FAM120C: variants seen among roughly 807,000 people sequenced by gnomAD.
FAM120C encodes the protein family with sequence similarity 120 member C.
Under a neutral mutation model 71.2 loss-of-function variants are expected in FAM120C, and 14 were observed. That is an observed-to-expected ratio of 0.20 (90% CI 0.13 to 0.31). The LOEUF is 0.31. Ranked by LOEUF, FAM120C falls within the 10% of genes least tolerant of loss-of-function variation. The pLI is 1.00. For missense variants in FAM120C, 500 were observed against 879.0 expected, an observed-to-expected ratio of 0.57 and a Z score of 5.45; for synonymous variants, 354 against 353.2, an observed-to-expected ratio of 1.00 and a Z score of -0.03.
At chrX:54,106,934 G>A (rs782244461) in intron 10 of FAM120C, among the ~76,000 whole-genome samples, 32 of 111,581 alleles carry the variant, frequency 2.9e-4, no homozygotes, top group Non-Finnish European at 1.3e-4. Flanking sequence ...AAATAGTAAC[G>A]CTTTTATGCT....
At chrX:54,129,508 C>T (rs781786882) in intron 9 of FAM120C, among the ~76,000 whole-genome samples, 6 of 107,301 alleles carry the variant, frequency 5.6e-5, no homozygotes, top group Admixed American at 9.9e-5. Context: ...GGATGGAGGC[C>T]GGGCAGAGAC....
Position 54,078,996 on chromosome X carries a change from C to CA in FAM120C, c.3036+1235dup, listed in dbSNP as rs1260177101. ...GCAACAAAGTAAGACCCTGTCTCTA[C>CA]AAAAAAAAAAAAGAAAAACTTTGGG... On this transcript the variant is annotated intron_variant, in intron 15 of 15. Transcript: ENST00000375180. Among the ~76,000 whole-genome samples, 244 of 83,847 alleles carry CA rather than the reference C, an allele frequency of 2.9e-3. 2 individuals are homozygous for CA. The East Asian group carries it at 0.052, about 18-fold the overall frequency. 72.8% of individuals were successfully genotyped at this position (83,847 alleles called of 115,157 possible).
At chrX:54,118,699 CT>C (rs1187381929) in intron 9 of FAM120C, among the ~76,000 whole-genome samples, 2,920 of 31,806 alleles carry the variant, frequency 0.092, 128 homozygotes, top group African/African-American at 0.16. Context: ...TTCTTTTTTT[CT>C]TTTTTTTTTT....
At chrX:54,156,684 C>T (rs782087566) in intron 3 of FAM120C, among the ~76,000 whole-genome samples, 3 of 108,169 alleles carry the variant, frequency 2.8e-5, no homozygotes, top group Non-Finnish European at 3.8e-5. Context: ...ATCAAGAGTT[C>T]GAGACCAGCC....
intron 1 of FAM120C, among the ~76,000 whole-genome samples, chrX:54,177,562 A>G (rs1302390954): frequency 1.8e-5 from 2 of 111,283 alleles, no homozygotes; most frequent in African/African-American, 6.5e-5. Context: ...CAGAAGTGAA[A>G]CAAGTTTTGG....
intron 1 of FAM120C, among the ~76,000 whole-genome samples, chrX:54,176,365 G>A (rs1462476193): frequency 9.3e-6 from 1 of 107,200 alleles, no homozygotes; most frequent in Non-Finnish European, 1.9e-5. Context: ...CCCAGGAGGT[G>A]GAGGTTGTAA....
chrX:54,092,079 G>A (rs192004642), intron 10 of FAM120C, among the ~76,000 whole-genome samples: 4 of 111,142 alleles, frequency 3.6e-5, no homozygotes, highest in African/African-American at 1.3e-4. Flanking sequence ...TTTGAAGAGA[G>A]AAGATCTCAA....
Position 54,068,789 on chromosome X carries a change from C to CAGAACAGAACAGAAT in FAM120C, c.*4243_*4244insATTCTGTTCTGTTCT, listed in dbSNP as rs60166177. 30 of 103,233 alleles carry CAGAACAGAACAGAAT rather than the reference C, an allele frequency of 2.9e-4. No homozygotes were observed. The highest frequency in any genetic ancestry group is 1.2e-3 in the African/African-American group (29 of 25,146). The allele number at this position is 103,233 out of a possible 1,213,427, so 8.5% of individuals were successfully genotyped here. ...AAAAACAGAATAGAACAGAATAGAA[C>CAGAACAGAACAGAAT]AGAATAGAATAGAATAGAATAGAAT... On this transcript the variant is annotated 3_prime_UTR_variant, in exon 16 of 16. Coordinates refer to ENST00000375180, the MANE Select transcript of FAM120C (RefSeq NM_017848.6).
intron 13 of FAM120C, among the ~76,000 whole-genome samples, chrX:54,083,478 C>CACAA (rs782758591): frequency 9.8e-6 from 1 of 101,755 alleles, no homozygotes; most frequent in South Asian, 4.3e-4. Flanking sequence ...CACACACACA[C>CACAA]CAAAATATTA....
chrX:54,182,746 T>C lies in FAM120C; in HGVS notation c.453A>G (p.Ser151=). ...GATAGGCACAAGCCTGGCACAGCGC[T>C]GACAAGTAGCCCAGCATGGCGTTCC... The part of the protein sequence containing the change: ...GQWNAMLGYL[S]ALCQACAYPG... Residue 151 remains serine, a synonymous_variant, in exon 1 of 16, where the codon TCA becomes TCG. Transcript: ENST00000375180. The C allele has an allele frequency of 8.3e-7, 1 of 1,209,767 alleles. No individual in the cohort carries two copies. The highest frequency in any genetic ancestry group is 1.1e-6 in the Non-Finnish European group (1 of 894,919).
intron 4 of FAM120C, among the ~76,000 whole-genome samples, chrX:54,137,778 A>C (rs1435331390): frequency 4.5e-5 from 5 of 112,073 alleles, no homozygotes. Flanking sequence ...AAAATGGCTA[A>C]AGTAAAAGAC....
chrX:54,092,572 G>A (rs782460317), intron 10 of FAM120C, among the ~76,000 whole-genome samples: 27 of 109,401 alleles, frequency 2.5e-4, no homozygotes, highest in Non-Finnish European at 4.2e-4. Flanking sequence ...AGGAGGAGAC[G>A]ACGAAGAAGA....
At chrX:54,082,061 T>C (rs2066768598) in intron 13 of FAM120C, among the ~76,000 whole-genome samples, 1 of 106,451 alleles carries the variant, frequency 9.4e-6, no homozygotes, top group Non-Finnish European at 1.9e-5. Flanking sequence ...TCCGTGCCTA[T>C]AGTCCCAGTT....
chrX:54,073,159 T>C lies in FAM120C; in HGVS notation c.3165A>G (p.Gln1055=), dbSNP rs1557120243. The part of the protein sequence containing the change: ...KSDHRLPAPS[Q]CALSRDSNEC... ...CATTGCTGTCTCTGGATAAGGCACA[T>C]TGTGATGGAGCTGGAAGACGATGAT... The change falls in exon 16 of 16, where the codon CAA becomes CAG. Residue 1055 remains glutamine (Q), a synonymous_variant. Coordinates refer to ENST00000375180, the MANE Select transcript of FAM120C (RefSeq NM_017848.6). 1 of 1,211,362 alleles carries C rather than the reference T, an allele frequency of 8.3e-7. No individual in the cohort carries two copies. The highest frequency in any genetic ancestry group is 1.7e-5 in the African/African-American group (1 of 57,702).
At chrX:54,099,575 A>T (rs1200352276) in intron 10 of FAM120C, among the ~76,000 whole-genome samples, 1 of 112,040 alleles carries the variant, frequency 8.9e-6, no homozygotes, top group Non-Finnish European at 1.9e-5. Flanking sequence ...GAGTTCGTGA[A>T]GAATACCTCT....
intron 1 of FAM120C, among the ~76,000 whole-genome samples, chrX:54,177,066 A>G (rs1217376102): frequency 9.0e-6 from 1 of 111,207 alleles, no homozygotes; most frequent in African/African-American, 3.3e-5. Flanking sequence ...ATGAGAGAGG[A>G]CACGGTATGT....
chrX:54,163,675 C>T (rs1413102478), intron 1 of FAM120C, among the ~76,000 whole-genome samples: 1 of 110,806 alleles, frequency 9.0e-6, no homozygotes, highest in East Asian at 2.8e-4. Context: ...AGTTATACCT[C>T]GATTTTTAAA....
At chrX:54,078,604 G>A (rs782369918) in intron 15 of FAM120C, among the ~76,000 whole-genome samples, 3 of 111,679 alleles carry the variant, frequency 2.7e-5, no homozygotes, top group Non-Finnish European at 5.6e-5. Flanking sequence ...AGGGCTGGCT[G>A]TATACAGAAT....
At chrX:54,172,274 T>C (rs782817799) in intron 1 of FAM120C, among the ~76,000 whole-genome samples, 3 of 112,235 alleles carry the variant, frequency 2.7e-5, no homozygotes, top group Non-Finnish European at 5.6e-5. Context: ...GAGTATCATG[T>C]TCAACTAAGC....
Sources: allele counts gnomAD v4.1 joint callset (sites outside exome capture counted in the v4.1 genomes callset), GRCh38; gene constraint gnomAD v4.1.1; transcripts MANE v1.5; gene names NCBI Gene and HGNC (gene_info 2026-07-23, HGNC 2026-07-21).